RBFOX1: variants seen among roughly 807,000 people sequenced by gnomAD.
RBFOX1 encodes RNA binding fox-1 homolog 1.
RBFOX1 carries 8 observed loss-of-function variants against 57.7 expected under a neutral mutation model. The observed-to-expected ratio is 0.14, with a 90% confidence interval of 0.08 to 0.25. The LOEUF (loss-of-function observed/expected upper bound fraction) is 0.25. Ranked by LOEUF, RBFOX1 falls within the 10% of genes least tolerant of loss-of-function variation. The pLI, the probability that RBFOX1 is intolerant of heterozygous loss-of-function variation, is 1.00. For synonymous variants in RBFOX1, 326 were observed against 222.4 expected (o/e 1.47, Z -4.15); for missense variants, 611 against 548.5 (o/e 1.11, Z -1.14).
chr16:5,260,998 C>G (rs563478116), intron 1 of RBFOX1: 1 of 152,130 alleles, frequency 6.6e-6, no homozygotes. Flanking sequence ...CTGGAGCGGT[C>G]GATTGGTCAT....
intron 4 of RBFOX1, among the ~76,000 whole-genome samples, chr16:7,231,584 A>G (rs1409130522): frequency 1.3e-5 from 2 of 152,318 alleles, no homozygotes; most frequent in South Asian, 2.1e-4. Flanking sequence ...GAATCCACAT[A>G]CACAAATGCT....
chr16:7,662,560 T>C (rs1252252751), intron 12 of RBFOX1, among the ~76,000 whole-genome samples: 1 of 152,136 alleles, frequency 6.6e-6, no homozygotes, highest in African/African-American at 2.4e-5. Context: ...GAACTGAGAA[T>C]AGAATGTTAG....
At chr16:5,414,535 G>T (rs1261577937) in intron 1 of RBFOX1, among the ~76,000 whole-genome samples, 1 of 152,164 alleles carries the variant, frequency 6.6e-6, no homozygotes, top group African/African-American at 2.4e-5. Context: ...TTGGGGGGCT[G>T]CTGTAGGCCT....
intron 4 of RBFOX1, among the ~76,000 whole-genome samples, chr16:5,880,345 T>A (rs1023207264): frequency 6.6e-6 from 1 of 152,146 alleles, no homozygotes; most frequent in Non-Finnish European, 1.5e-5. Flanking sequence ...TTGGTAGCAT[T>A]GTAGTAGAAA....
chr16:6,999,149 G>A (rs1009647306), intron 3 of RBFOX1, among the ~76,000 whole-genome samples: 172 of 149,638 alleles, frequency 1.1e-3, no homozygotes, highest in African/African-American at 4.1e-3. Context: ...GATTACAGGT[G>A]TGAGCCACTG....
intron 2 of RBFOX1, among the ~76,000 whole-genome samples, chr16:6,588,565 T>C (rs1015444193): frequency 6.6e-6 from 1 of 152,026 alleles, no homozygotes; most frequent in African/African-American, 2.4e-5. Context: ...GGCTGGAGAA[T>C]CGCTTGAATC....
At chr16:7,030,728 G>A (rs771019908) in intron 3 of RBFOX1, among the ~76,000 whole-genome samples, 38 of 152,122 alleles carry the variant, frequency 2.5e-4, no homozygotes, top group Non-Finnish European at 4.3e-4. Context: ...GTTCTGGGTG[G>A]ACCTGAATTT....
intron 4 of RBFOX1, among the ~76,000 whole-genome samples, chr16:7,175,131 T>A (rs1282304285): frequency 6.6e-6 from 1 of 152,084 alleles, no homozygotes; most frequent in Non-Finnish European, 1.5e-5. Flanking sequence ...TTGCTGCACC[T>A]ATCAACCCAT....
chr16:7,026,483 C>A (rs1431654530), intron 3 of RBFOX1, among the ~76,000 whole-genome samples: 1 of 152,134 alleles, frequency 6.6e-6, no homozygotes, highest in East Asian at 1.9e-4. Context: ...TTCACACTTC[C>A]AATCTGCCTC....
At chr16:7,381,138 A>C (rs1157438917) in intron 4 of RBFOX1, among the ~76,000 whole-genome samples, 1 of 152,236 alleles carries the variant, frequency 6.6e-6, no homozygotes, top group Non-Finnish European at 1.5e-5. Flanking sequence ...AAACAGACAC[A>C]GATAGTTCTA....
intron 2 of RBFOX1, among the ~76,000 whole-genome samples, chr16:6,624,061 G>A (rs116785158): frequency 0.012 from 1,832 of 152,246 alleles, 43 homozygotes; most frequent in African/African-American, 0.041. Flanking sequence ...TCCCTGTTAG[G>A]TGAAAATTCT....
intron 1 of RBFOX1, among the ~76,000 whole-genome samples, chr16:5,278,897 G>A (rs1450701475): frequency 6.6e-6 from 1 of 152,142 alleles, no homozygotes; most frequent in African/African-American, 2.4e-5. Context: ...TCAGTTAGCT[G>A]TAAATACGTG....
At chr16:6,796,096 G>A (rs570685951) in intron 3 of RBFOX1, among the ~76,000 whole-genome samples, 20 of 152,216 alleles carry the variant, frequency 1.3e-4, no homozygotes, top group Non-Finnish European at 1.8e-4. Flanking sequence ...ACATTTCCAC[G>A]TGGCTGGGGA....
intron 3 of RBFOX1, among the ~76,000 whole-genome samples, chr16:6,821,728 A>G (rs1213696169): frequency 2.0e-5 from 3 of 152,194 alleles, no homozygotes; most frequent in Non-Finnish European, 4.4e-5. Context: ...ATCAATTTTT[A>G]TGGCTGAATA....
At chr16:7,059,227 C>T (rs996034254) in intron 4 of RBFOX1, among the ~76,000 whole-genome samples, 3 of 152,166 alleles carry the variant, frequency 2.0e-5, no homozygotes, top group Admixed American at 1.3e-4. Context: ...TTTTAAAGCC[C>T]AGCTTTTCAT....
intron 3 of RBFOX1, among the ~76,000 whole-genome samples, chr16:6,771,538 T>G (rs1400052108): frequency 6.6e-6 from 1 of 152,212 alleles, no homozygotes; most frequent in African/African-American, 2.4e-5. Context: ...AACACACTTC[T>G]GCTCAAGTCT....
At chr16:6,748,057 C>G (rs1196695192) in intron 3 of RBFOX1, among the ~76,000 whole-genome samples, 1 of 152,140 alleles carries the variant, frequency 6.6e-6, no homozygotes, top group Non-Finnish European at 1.5e-5. Context: ...TTTATTGAAC[C>G]ATTTTCCTGA....
chr16:5,456,418 G>T (rs183483021), intron 1 of RBFOX1, among the ~76,000 whole-genome samples: 2 of 152,152 alleles, frequency 1.3e-5, no homozygotes, highest in Non-Finnish European at 2.9e-5. Context: ...GGATTTGAAA[G>T]GTTGGGTTGT....
chr16:6,157,339 C>G (rs908393441), intron 1 of RBFOX1, among the ~76,000 whole-genome samples: 1 of 152,084 alleles, frequency 6.6e-6, no homozygotes, highest in African/African-American at 2.4e-5. Context: ...CCAGATACAA[C>G]ACAGGATGCC....
Sources: gnomAD v4.1 joint callset for allele counts (sites outside exome capture counted in the v4.1 genomes callset) on GRCh38, gnomAD v4.1.1 for gene constraint, MANE v1.5 for transcripts, NCBI Gene and HGNC (gene_info 2026-07-23, HGNC 2026-07-21) for gene names.